PHF11: variants seen among roughly 807,000 people sequenced by gnomAD.
PHF11 encodes the protein BRCA1 C-terminus-associated protein.
A neutral mutation model predicts 40.5 loss-of-function variants in PHF11; 38 were observed. That is an observed-to-expected ratio of 0.94 (90% CI 0.72 to 1.23). The LOEUF is 1.23. PHF11 is among the 50% of genes most tolerant of loss of function. PHF11 has a pLI of 0.00. For synonymous variants in PHF11, 127 were observed against 138.2 expected (o/e 0.92, Z 0.57); for missense variants, 369 against 392.4 (o/e 0.94, Z 0.50).
At chr13:49,523,870 T>C (rs41284780) in intron 7 of PHF11, 3,929 of 318,826 alleles carry the variant, frequency 0.012, 34 homozygotes, top group Middle Eastern at 0.025. Flanking sequence ...GAAATTTTCA[T>C]TTTTACTTTT....
chr13:49,522,080 G>C lies in PHF11; in HGVS notation c.543G>C (p.Lys181Asn). 6.4e-7 allele frequency: 1 copy of C among 1,565,866 alleles called. No individual in the cohort carries two copies. Among genetic ancestry groups the C allele is most frequent in the East Asian group, 2.2e-5 (1 of 44,498 alleles). ...FSGVKRKRGR[K>N]KPLSGNHVQP... ...GAGTGAAAAGAAAAAGAGGAAGGAA[G>C]AAACCCCTCTCAGGCAATCATGTAC... is the stretch of plus-strand genomic sequence containing the variant. Residue 181 changes from lysine (K) to asparagine (N), a missense_variant, in exon 6 of 10, where the codon AAG (lysine) becomes AAC (asparagine). Transcript: ENST00000378319.
intron 1 of PHF11, among the ~76,000 whole-genome samples, chr13:49,498,619 G>C (rs985531796): frequency 6.6e-6 from 1 of 151,680 alleles, no homozygotes; most frequent in Non-Finnish European, 1.5e-5. Flanking sequence ...GTAGCATAGT[G>C]CATTTCAGGT....
At chr13:49,501,215 G>C (rs1250315875) in intron 1 of PHF11, among the ~76,000 whole-genome samples, 1 of 151,956 alleles carries the variant, frequency 6.6e-6, no homozygotes, top group African/African-American at 2.4e-5. Context: ...GTTTCTCCAT[G>C]TTTGTCAGGC....
In PHF11 at chr13:49,513,117, G is replaced by T; in HGVS notation, c.275G>T (p.Ser92Ile). Residue 92 changes from serine to isoleucine, a missense_variant, in exon 3 of 10, where the codon AGT becomes ATT. Transcript: ENST00000378319. ...CAGGATCCACTTAATCCTGATAGAA[G>T]TTTTGATGTGGAATCAGTAAAGAAA... The part of the protein sequence containing the change: ...EDQDPLNPDR[S>I]FDVESVKKEI... The T allele has an allele frequency of 1.2e-6, 2 of 1,600,826 alleles. No homozygotes were observed. The highest frequency in any genetic ancestry group is 1.7e-6 in the Non-Finnish European group (2 of 1,168,026).
In PHF11 at chr13:49,501,017, G is replaced by GTT. The variant is rs1491587127; in HGVS notation, c.94+4932_94+4933dup. ...CAACTTTTGTTTTTTTTTTTTTTTG[G>GTT]TTTTTTTTTTTCTGAAATGGAGTTT... On this transcript the variant is annotated intron_variant, in intron 1 of 9. Coordinates refer to ENST00000378319, the MANE Select transcript of PHF11 (RefSeq NM_001040443.3). Among the ~76,000 whole-genome samples the GTT allele has an allele frequency of 1.2e-4, 13 of 108,826 alleles. 1 individual carries two copies. Among genetic ancestry groups the GTT allele is most frequent in the Admixed American group, 2.1e-4 (2 of 9,672 alleles). The allele number at this position is 108,826 out of a possible 152,430, so 71.4% of individuals were successfully genotyped here.
rs745678726 is a variant in PHF11, at chr13:49,518,051, G to A, written c.358G>A (p.Val120Met). ...ATTTTGTCATAAAAGAGGAGCCACC[G>A]TGGGATGTGATTTAAAAAACTGTAA... is the stretch of plus-strand genomic sequence containing the variant. ...CKFCHKRGAT[V>M]GCDLKNCNKN... is the part of the protein sequence containing the mutation. Residue 120 changes from valine to methionine, a missense_variant, in exon 4 of 10, where the codon GTG becomes ATG. Transcript: ENST00000378319. 42 of 1,585,144 alleles carry A rather than the reference G, an allele frequency of 2.6e-5. No homozygotes were observed. The highest frequency in any genetic ancestry group is 4.5e-5 in the South Asian group (4 of 89,082).
Position 49,496,112 on chromosome 13 carries a change from CG to C in PHF11, c.94+20del. On this transcript the variant is annotated intron_variant, in intron 1 of 9. Coordinates refer to ENST00000378319, the MANE Select transcript of PHF11 (RefSeq NM_001040443.3). ...TTCCCACCGGTGTGTACCGCGGGGG[CG>C]GGCGGGCGGGCGGGCGGGGCTGGGC... 3 of 12,972 alleles carry C rather than the reference CG, an allele frequency of 2.3e-4. No individual in the cohort carries two copies. The South Asian group carries it at 2.8e-3, about 12-fold the overall frequency. The allele number at this position is 12,972 out of a possible 1,614,324, so 0.8% of individuals were successfully genotyped here. A position where few individuals can be genotyped will look rare whatever the true frequency, so the allele number is the denominator to read the frequency against.
intron 2 of PHF11, among the ~76,000 whole-genome samples, chr13:49,507,028 C>T (rs1401282587): frequency 2.0e-5 from 3 of 151,632 alleles, no homozygotes; most frequent in Non-Finnish European, 1.5e-5. Flanking sequence ...CTCAGCCTCC[C>T]GAGTAGCTGG....
intron 3 of PHF11, among the ~76,000 whole-genome samples, chr13:49,513,738 A>G (rs1959111311): frequency 1.3e-5 from 2 of 152,234 alleles, no homozygotes; most frequent in South Asian, 4.1e-4. Flanking sequence ...ACAGACTTTT[A>G]CAAAGAGGAT....
At position 49,507,004 on chromosome 13, in the gene PHF11, C is replaced by T. The variant is rs189978382; in HGVS notation, c.216+248C>T. Among the ~76,000 whole-genome samples the T allele has an allele frequency of 6.3e-3, 926 of 147,088 alleles. 11 individuals carry two copies. Among genetic ancestry groups the T allele is most frequent in the African/African-American group, 0.021 (852 of 40,340 alleles). On this transcript the variant is annotated intron_variant, in intron 2 of 9. Coordinates refer to ENST00000378319, the MANE Select transcript of PHF11 (RefSeq NM_001040443.3). ...CTGCAAGCTCCGCTTCCCGGGTTCA[C>T]GCCATTCTCCTGCCTCAGCCTCCCG...
At chr13:49,506,117 C>T (rs776804504) in intron 1 of PHF11, among the ~76,000 whole-genome samples, 12 of 151,976 alleles carry the variant, frequency 7.9e-5, no homozygotes, top group Non-Finnish European at 1.5e-4. Flanking sequence ...CTCATTTTGG[C>T]CAGGCACAGT....
At chr13:49,526,576 A>T (rs1262889663) in intron 9 of PHF11, 118 bp downstream of exon 9, 1 of 707,282 alleles carries the variant, frequency 1.4e-6, no homozygotes, top group African/African-American at 1.8e-5. Flanking sequence ...TTGTTTTCTT[A>T]AATGAGAAAA....
Position 49,496,360 on chromosome 13 carries a change from G to A in PHF11, c.94+265G>A, listed in dbSNP as rs923962801. On this transcript the variant is annotated intron_variant, in intron 1 of 9. Coordinates refer to ENST00000378319, the MANE Select transcript of PHF11 (RefSeq NM_001040443.3). ...GCCCATGGTTTCGCGCGAGTGGTGG[G>A]CACGCTTCGGTTTACCTCCCCCGCG... 7.2e-5 allele frequency: 82 copies of A among 1,136,004 alleles called. No homozygotes were observed. In the African/African-American group the frequency reaches 1.2e-3, roughly 16 times the overall value. The allele number at this position is 1,136,004 out of a possible 1,614,324, so 70.4% of individuals were successfully genotyped here.
chr13:49,509,201 ATACTT>A (rs922142987), intron 2 of PHF11, among the ~76,000 whole-genome samples: 2 of 150,222 alleles, frequency 1.3e-5, no homozygotes, highest in Admixed American at 6.7e-5. Flanking sequence ...TCTATCCTGA[ATACTT>A]TAGTATGATT....
At chr13:49,501,145 C>T (rs899919154) in intron 1 of PHF11, among the ~76,000 whole-genome samples, 3 of 151,840 alleles carry the variant, frequency 2.0e-5, no homozygotes, top group South Asian at 2.1e-4. Context: ...TCCCGAGTAG[C>T]GGGGATTACA....
chr13:49,503,013 G>T (rs561726052), intron 1 of PHF11, among the ~76,000 whole-genome samples: 1 of 152,018 alleles, frequency 6.6e-6, no homozygotes, highest in Non-Finnish European at 1.5e-5. Flanking sequence ...CGTGAGCACC[G>T]TGCCCGACCA....
intron 1 of PHF11, among the ~76,000 whole-genome samples, chr13:49,504,997 A>C (rs574096646): frequency 6.6e-6 from 1 of 151,538 alleles, no homozygotes; most frequent in Admixed American, 6.6e-5. Flanking sequence ...GTGCTTTGTT[A>C]AACAGATGCT....
Position 49,496,005 on chromosome 13 carries a change from G to A in PHF11, c.4G>A (p.Ala2Thr). The A allele has an allele frequency of 1.3e-6, 2 of 1,486,096 alleles. No individual in the cohort carries two copies. Among genetic ancestry groups the A allele is most frequent in the South Asian group, 2.5e-5 (2 of 80,114 alleles). 92.1% of individuals were successfully genotyped at this position (1,486,096 alleles called of 1,614,324 possible). A position where few individuals can be genotyped will look rare whatever the true frequency, so the allele number is the denominator to read the frequency against. The change falls in exon 1 of 10, where the codon GCC (alanine) becomes ACC (threonine). Residue 2 changes from alanine to threonine, a missense_variant. Physicochemically the swap from Ala to Thr is moderately conservative, Grantham distance 58. Transcript: ENST00000378319. Reference protein sequence around the residue: MAQASPPRPERV... With the variant: MTQASPPRPERV... Reference sequence around the variant, plus strand: ...CACCCGCAGCTGCAGCACAGTCATGGCCCAGGCGTCGCCGCCCCGGCCCGA... The same window carrying A: ...CACCCGCAGCTGCAGCACAGTCATGACCCAGGCGTCGCCGCCCCGGCCCGA...
In PHF11 at chr13:49,504,774, G is replaced by A. The variant is rs368415524; in HGVS notation, c.95-1861G>A. On this transcript the variant is annotated intron_variant, in intron 1 of 9. Coordinates refer to ENST00000378319, the MANE Select transcript of PHF11 (RefSeq NM_001040443.3). ...AATCGCGGCTTTGTGGAATAGAAAG[G>A]GGGGAAAGGTGGGGAAAAGATTGAG... 5.4e-4 allele frequency among the ~76,000 whole-genome samples: 82 copies of A among 151,756 alleles called. 2 individuals are homozygous for A. In the South Asian group the frequency reaches 0.017, roughly 31 times the overall value.
Sources: allele counts gnomAD v4.1 joint callset (sites outside exome capture counted in the v4.1 genomes callset), GRCh38; gene constraint gnomAD v4.1.1; transcripts MANE v1.5; gene names NCBI Gene and HGNC (gene_info 2026-07-23, HGNC 2026-07-21).